The following NCALD variants were observed in gnomAD, a reference collection of about 807,000 sequenced individuals.
NCALD encodes neurocalcin-delta.
In NCALD, 10 loss-of-function variants were observed where a neutral mutation model predicts 18.6. The ratio of observed to expected loss-of-function variants is 0.54; its 90% CI spans 0.33 to 0.91. The LOEUF (loss-of-function observed/expected upper bound fraction) is 0.91, where lower values mean the gene tolerates loss of function less well. NCALD is among the 40% of genes least tolerant of loss of function. The pLI, the probability that NCALD is intolerant of heterozygous loss-of-function variation, is 0.03. For synonymous variants in NCALD, 88 were observed against 87.4 expected (o/e 1.01, Z -0.04); for missense variants, 184 against 247.6 (o/e 0.74, Z 1.72).
At chr8:101,912,756 T>C (rs569971366) in intron 3 of NCALD, among the ~76,000 whole-genome samples, 24 of 152,336 alleles carry the variant, frequency 1.6e-4, no homozygotes, top group African/African-American at 4.8e-4. Context: ...TCATGTCCTA[T>C]GTAATCCCCT....
At position 101,813,771 on chromosome 8, in the gene NCALD, A is replaced by C. The variant is rs113270883; in HGVS notation, c.-20+73370T>G. ...AGACATCTTTAAAATGGCTTTTATT[A>C]TAGGATTTGGTCCAGATTTTGCCAA... On this transcript the variant is annotated intron_variant, in intron 4 of 6. Coordinates refer to the NCALD transcript ENST00000311028. Among the ~76,000 whole-genome samples, 869 of 152,194 alleles carry C rather than the reference A, an allele frequency of 5.7e-3. 11 individuals carry two copies. Among genetic ancestry groups the C allele is most frequent in the African/African-American group, 0.018 (763 of 41,536 alleles).
intron 4 of NCALD, among the ~76,000 whole-genome samples, chr8:101,884,197 A>G (rs1563856336): frequency 6.6e-6 from 1 of 152,150 alleles, no homozygotes; most frequent in Non-Finnish European, 1.5e-5. Flanking sequence ...TTCTGCAGGG[A>G]AGCCTTCCCT....
chr8:101,695,856 AT>A (rs1286094897), intron 2 of NCALD, among the ~76,000 whole-genome samples: 1 of 152,154 alleles, frequency 6.6e-6, no homozygotes, highest in Non-Finnish European at 1.5e-5. Context: ...AGTTTAAAGA[AT>A]TTATTCAGGA....
At chr8:101,928,337 C>T (rs1027305441) in intron 2 of NCALD, among the ~76,000 whole-genome samples, 2 of 152,148 alleles carry the variant, frequency 1.3e-5, no homozygotes, top group Non-Finnish European at 2.9e-5. Context: ...CCATTTAGTA[C>T]AATACCATCT....
chr8:102,095,505 G>T (rs2132391088), intron 1 of NCALD, among the ~76,000 whole-genome samples: 1 of 152,290 alleles, frequency 6.6e-6, no homozygotes, highest in South Asian at 2.1e-4. Context: ...AAAACCCATT[G>T]ACTAGGGACT....
At chr8:102,006,781 G>C (rs961043904) in intron 2 of NCALD, among the ~76,000 whole-genome samples, 1 of 152,174 alleles carries the variant, frequency 6.6e-6, no homozygotes, top group Non-Finnish European at 1.5e-5. Flanking sequence ...AATAGTTCCT[G>C]GTTGCCTTAA....
chr8:101,868,141 T>C (rs536326224), intron 4 of NCALD, among the ~76,000 whole-genome samples: 49 of 152,302 alleles, frequency 3.2e-4, no homozygotes, highest in African/African-American at 1.0e-3. Flanking sequence ...ATCATGCTGC[T>C]TGCCTGGCTG....
At chr8:101,858,167 A>C (rs1237125026) in intron 4 of NCALD, among the ~76,000 whole-genome samples, 1 of 152,230 alleles carries the variant, frequency 6.6e-6, no homozygotes, top group South Asian at 2.1e-4. Flanking sequence ...AAAAATTTAC[A>C]CACATAAAAG....
chr8:102,056,361 C>A (rs139598677), intron 1 of NCALD, among the ~76,000 whole-genome samples: 1 of 152,328 alleles, frequency 6.6e-6, no homozygotes, highest in Non-Finnish European at 1.5e-5. Context: ...AGGAAGTCAC[C>A]TGGCTTCTCT....
At chr8:101,789,660 C>T (rs1812376647) in intron 1 of NCALD, among the ~76,000 whole-genome samples, 1 of 152,128 alleles carries the variant, frequency 6.6e-6, no homozygotes, top group Non-Finnish European at 1.5e-5. Flanking sequence ...TACAGTTAAA[C>T]CAGTTTCTTC....
At chr8:101,977,217 C>A (rs1563500822) in intron 2 of NCALD, among the ~76,000 whole-genome samples, 1 of 151,424 alleles carries the variant, frequency 6.6e-6, no homozygotes, top group East Asian at 2.0e-4. Flanking sequence ...AAGCATTACC[C>A]AGAATTTTTT....
intron 1 of NCALD, among the ~76,000 whole-genome samples, chr8:102,053,452 A>G (rs1823521035): frequency 6.6e-6 from 1 of 152,216 alleles, no homozygotes; most frequent in African/African-American, 2.4e-5. Flanking sequence ...CCGCTTGACC[A>G]CGTACCATAC....
At chr8:101,863,961 G>C (rs1368237220) in intron 4 of NCALD, among the ~76,000 whole-genome samples, 1 of 152,124 alleles carries the variant, frequency 6.6e-6, no homozygotes, top group Non-Finnish European at 1.5e-5. Context: ...GAATTCCAAG[G>C]GGATGGGGCC....
intron 4 of NCALD, among the ~76,000 whole-genome samples, chr8:101,851,872 G>C (rs993659260): frequency 1.3e-5 from 2 of 152,106 alleles, no homozygotes; most frequent in Non-Finnish European, 2.9e-5. Flanking sequence ...TTCCATTATA[G>C]TGATATTAAG....
chr8:101,771,838 G>C (rs910703338), intron 1 of NCALD, among the ~76,000 whole-genome samples: 1 of 152,144 alleles, frequency 6.6e-6, no homozygotes, highest in South Asian at 2.1e-4. Flanking sequence ...CTGGATATAC[G>C]CAAGGTACTA....
At chr8:101,844,359 C>CTTTTTTTT (rs35559892) in intron 4 of NCALD, among the ~76,000 whole-genome samples, 2 of 145,134 alleles carry the variant, frequency 1.4e-5, no homozygotes, top group African/African-American at 2.5e-5. Context: ...ACTCTAAATT[C>CTTTTTTTT]TTTTTTTTTT....
upstream of NCALD, among the ~76,000 whole-genome samples, chr8:101,794,248 T>C (rs1357267506): frequency 6.6e-6 from 1 of 152,234 alleles, no homozygotes; most frequent in East Asian, 1.9e-4. Context: ...GATGAAATCT[T>C]ATTCATCTGT....
intron 2 of NCALD, among the ~76,000 whole-genome samples, chr8:101,705,656 G>A (rs946308300): frequency 6.6e-6 from 1 of 152,174 alleles, no homozygotes; most frequent in Non-Finnish European, 1.5e-5. Context: ...AGGAGATACA[G>A]CTCTGCCTGG....
intron 1 of NCALD, among the ~76,000 whole-genome samples, chr8:102,112,436 T>C (rs1825669557): frequency 6.6e-6 from 1 of 152,086 alleles, no homozygotes; most frequent in African/African-American, 2.4e-5. Context: ...TCTTTTTTTA[T>C]ACCAAAAATA....
Sources: gnomAD v4.1 joint callset for allele counts (sites outside exome capture counted in the v4.1 genomes callset) on GRCh38, gnomAD v4.1.1 for gene constraint, MANE v1.5 for transcripts, NCBI Gene and HGNC (gene_info 2026-07-23, HGNC 2026-07-21) for gene names.